VIL1: variants seen among roughly 807,000 people sequenced by gnomAD.
VIL1 encodes villin-1.
In VIL1, 86 loss-of-function variants were observed where a neutral mutation model predicts 104.0. That is an observed-to-expected ratio of 0.83 (90% CI 0.69 to 0.99). The LOEUF (loss-of-function observed/expected upper bound fraction) is 0.99, where lower values mean the gene tolerates loss of function less well. Among genes scored for constraint, VIL1 ranks in the 50% least tolerant of loss-of-function variants. The pLI, the probability that VIL1 is intolerant of heterozygous loss-of-function variation, is 0.00. For synonymous variants in VIL1, 394 were observed against 412.6 expected (o/e 0.95, Z 0.55); for missense variants, 944 against 1,054.1 (o/e 0.90, Z 1.45).
chr2:218,438,247 C>T (rs114279207), intron 17 of VIL1, among the ~76,000 whole-genome samples: 2,574 of 152,312 alleles, frequency 0.017, 28 homozygotes, highest in Non-Finnish European at 0.028. Flanking sequence ...GGTCCCTTCA[C>T]TCCTCTGTGG....
Position 218,429,423 on chromosome 2 carries a change from C to T in VIL1, c.706C>T (p.Leu236=). 6.2e-7 allele frequency: 1 copy of T among 1,614,090 alleles called. No individual in the cohort carries two copies. Among genetic ancestry groups the T allele is most frequent in the Middle Eastern group, 1.6e-4 (1 of 6,062 alleles). Reference sequence around the variant, plus strand: ...CCACGTGCTGGGCAAGCGCAGGGAGCTGAAGGCGGCCGTGCCCGACACGGT... The same window carrying T: ...CCACGTGCTGGGCAAGCGCAGGGAGTTGAAGGCGGCCGTGCCCGACACGGT... The part of the protein sequence containing the change: ...MNHVLGKRRE[L]KAAVPDTVVE... The change falls in exon 7 of 20, where the codon CTG becomes TTG. Residue 236 remains leucine (L), a synonymous_variant. Coordinates refer to ENST00000248444, the MANE Select transcript of VIL1 (RefSeq NM_007127.3).
chr2:218,441,148 G>T (rs1553535136), intron 19 of VIL1, among the ~76,000 whole-genome samples: 1 of 152,086 alleles, frequency 6.6e-6, no homozygotes, highest in Admixed American at 6.5e-5. Flanking sequence ...CAGCACTTTG[G>T]GAGGCCGAGG....
At chr2:218,423,694 A>C (rs1688931059) in intron 1 of VIL1, 74 bp from the exon 2 acceptor site, 1 of 1,473,886 alleles carries the variant, frequency 6.8e-7, no homozygotes, top group Non-Finnish European at 9.4e-7. Context: ...CACTGTTGGG[A>C]GTTCTCTAGG....
intron 3 of VIL1, among the ~76,000 whole-genome samples, chr2:218,425,213 T>A (rs906655457): frequency 6.6e-6 from 1 of 152,200 alleles, no homozygotes; most frequent in African/African-American, 2.4e-5. Flanking sequence ...CCTGAGTAGC[T>A]GGGATTACAG....
chr2:218,420,078 G>A (rs1024074576), intron 1 of VIL1, among the ~76,000 whole-genome samples: 6 of 152,142 alleles, frequency 3.9e-5, no homozygotes, highest in Admixed American at 1.3e-4. Flanking sequence ...ACTAGGAGCC[G>A]TGGCAGCACC....
intron 1 of VIL1, 34 bp from the exon 2 acceptor site, chr2:218,423,734 A>G: frequency 6.2e-7 from 1 of 1,608,394 alleles, no homozygotes; most frequent in South Asian, 1.1e-5. Flanking sequence ...ATCCGAACTC[A>G]GGGTGCCCCT....
rs1363054828 is a variant in VIL1 at position 218,449,337 on chromosome 2, G to T, written c.*1G>T. The T allele has an allele frequency of 1.9e-6, 3 of 1,608,968 alleles. No individual in the cohort carries two copies. The African/African-American group carries it at 4.0e-5, about 22-fold the overall frequency. On this transcript the variant is annotated 3_prime_UTR_variant, in exon 20 of 20. Coordinates refer to ENST00000248444, the MANE Select transcript of VIL1 (RefSeq NM_007127.3). ...CAAGAAAGAAAAAGGACTATTTTGAGAAGAGTAGCTGTGGTTGTAAAGCAG... is the reference window on the plus strand; with the variant it reads ...CAAGAAAGAAAAAGGACTATTTTGATAAGAGTAGCTGTGGTTGTAAAGCAG...
chr2:218,421,500 G>A (rs1347013148), intron 1 of VIL1, among the ~76,000 whole-genome samples: 1 of 152,190 alleles, frequency 6.6e-6, no homozygotes, highest in Non-Finnish European at 1.5e-5. Flanking sequence ...GAAGTGACGG[G>A]CCCTGGTCTT....
chr2:218,436,399 T>C (rs1481459904), intron 15 of VIL1, 83 bp from the exon 16 acceptor site: 2 of 1,527,354 alleles, frequency 1.3e-6, no homozygotes, highest in Non-Finnish European at 1.8e-6. Flanking sequence ...TATGCCAGAG[T>C]CCCTTCCTCA....
At position 218,425,604 on chromosome 2, in the gene VIL1, C is replaced by T. The variant is rs765545536; in HGVS notation, c.151-11C>T. The T allele has an allele frequency of 1.1e-5, 18 of 1,613,588 alleles. No homozygotes were observed. Among genetic ancestry groups the T allele is most frequent in the Non-Finnish European group, 1.4e-5 (17 of 1,179,818 alleles). On this transcript the variant is annotated splice_polypyrimidine_tract_variant and intron_variant, in intron 3 of 19. Transcript: ENST00000248444. ...CCAGGGTCTCGGGTACACTGGACAC[C>T]TTTTCCCTAGATCCACAAGACAGCC...
intron 10 of VIL1, 193 bp downstream of exon 10, chr2:218,431,071 G>A (rs1689087668): frequency 1.1e-5 from 8 of 754,258 alleles, no homozygotes; most frequent in Non-Finnish European, 1.7e-5. Flanking sequence ...TGAGAGGGCT[G>A]GGCATGGTGG....
At chr2:218,428,182 AG>A (rs1399213812) in intron 5 of VIL1, 44 bp from the exon 6 acceptor site, 2 of 1,603,704 alleles carry the variant, frequency 1.2e-6, no homozygotes, top group South Asian at 2.2e-5. Flanking sequence ...GATGGATGAT[AG>A]GTGAGCTCTG....
chr2:218,438,642 T>C lies in VIL1; in HGVS notation c.2161-16T>C. On this transcript the variant is annotated splice_polypyrimidine_tract_variant and intron_variant, in intron 17 of 19. Transcript: ENST00000248444. ...GCTGAGATCCAGGTCTAATCTGTTA[T>C]TTACTTTATGTGCAGAACACCAAAT... 6.2e-7 allele frequency: 1 copy of C among 1,607,942 alleles called. No homozygotes were observed. Among genetic ancestry groups the C allele is most frequent in the Non-Finnish European group, 8.5e-7 (1 of 1,177,862 alleles).
intron 3 of VIL1, 123 bp from the exon 4 acceptor site, chr2:218,425,492 A>G: frequency 1.3e-6 from 1 of 775,936 alleles, no homozygotes. Flanking sequence ...CCGCCAGCCT[A>G]GTGCACTTGC....
Position 218,437,295 on chromosome 2 carries a change from G to T in VIL1, c.2143G>T (p.Asp715Tyr). The T allele has an allele frequency of 1.2e-6, 2 of 1,613,990 alleles. No individual in the cohort carries two copies. Among genetic ancestry groups the T allele is most frequent in the South Asian group, 2.2e-5 (2 of 91,050 alleles). Residue 715 changes from aspartate (D) to tyrosine (Y), a missense_variant, in exon 17 of 20, where the codon GAT becomes TAT. By Grantham distance (160) the Asp-to-Tyr change is radical (BLOSUM62 -3). Coordinates refer to ENST00000248444, the MANE Select transcript of VIL1 (RefSeq NM_007127.3). The part of the protein sequence containing the change: ...PTFTGWFLAW[D>Y]PFKWSNTKSY... Reference sequence around the variant, plus strand: ...CTTCACAGGCTGGTTCCTGGCTTGGGATCCCTTCAAGTGGAGTGTGAGTGG... The same window carrying T: ...CTTCACAGGCTGGTTCCTGGCTTGGTATCCCTTCAAGTGGAGTGTGAGTGG...
In VIL1 at chr2:218,451,456, A is replaced by G. The variant is rs1181069282; in HGVS notation, c.*2120A>G. The G allele has an allele frequency of 1.3e-5, 2 of 152,168 alleles. No individual in the cohort carries two copies. Among genetic ancestry groups the G allele is most frequent in the Non-Finnish European group, 2.9e-5 (2 of 68,038 alleles). 9.4% of individuals were successfully genotyped at this position (152,168 alleles called of 1,614,324 possible). On this transcript the variant is annotated 3_prime_UTR_variant, in exon 20 of 20. Coordinates refer to ENST00000248444, the MANE Select transcript of VIL1 (RefSeq NM_007127.3). Reference sequence around the variant, plus strand: ...GTATCTACTGCAGTCATTTCAGAGGACAGAGAAGGAAAATATTTTAATTTG... The same window carrying G: ...GTATCTACTGCAGTCATTTCAGAGGGCAGAGAAGGAAAATATTTTAATTTG...
intron 19 of VIL1, among the ~76,000 whole-genome samples, chr2:218,448,998 T>C (rs1319214511): frequency 4.0e-5 from 3 of 74,526 alleles, no homozygotes; most frequent in Admixed American, 2.0e-4. Flanking sequence ...GAACAAGACA[T>C]GGTCTGGAAA....
chr2:218,429,561 C>A (rs1288752568), intron 7 of VIL1, 36 bp from the exon 8 acceptor site: 1 of 1,613,930 alleles, frequency 6.2e-7, no homozygotes, highest in East Asian at 2.2e-5. Context: ...GGGACTTGGG[C>A]CCCCTCCCCA....
chr2:218,441,786 G>A (rs1326719096), intron 19 of VIL1, among the ~76,000 whole-genome samples: 5 of 152,088 alleles, frequency 3.3e-5, no homozygotes, highest in South Asian at 2.1e-4. Flanking sequence ...TCAGGTGTTC[G>A]AGACCAGCCT....
Sources: gnomAD v4.1 joint callset for allele counts (sites outside exome capture counted in the v4.1 genomes callset) on GRCh38, gnomAD v4.1.1 for gene constraint, MANE v1.5 for transcripts, NCBI Gene and HGNC (gene_info 2026-07-23, HGNC 2026-07-21) for gene names.